ZNF565: variants seen among roughly 807,000 people sequenced by gnomAD.
The protein encoded by ZNF565 is zinc finger protein 565.
In ZNF565, 27 loss-of-function variants were observed where a neutral mutation model predicts 39.4. That is an observed-to-expected ratio of 0.69 (90% confidence interval 0.51 to 0.95). The LOEUF is 0.95. Ranked by LOEUF, ZNF565 falls within the 40% of genes least tolerant of loss-of-function variation. ZNF565 has a pLI of 0.00. For missense variants in ZNF565, 524 were observed against 621.1 expected (o/e 0.84, Z 1.66); for synonymous variants, 185 against 216.6 (o/e 0.85, Z 1.28).
intron 4 of ZNF565, among the ~76,000 whole-genome samples, chr19:36,189,040 T>C (rs1975426787): frequency 6.6e-6 from 1 of 152,096 alleles, no homozygotes; most frequent in African/African-American, 2.4e-5. Context: ...AATAGAGTTA[T>C]TGTTTAATGG....
chr19:36,236,821 C>T (rs750554314), intron 1 of ZNF565: 1 of 1,614,078 alleles, frequency 6.2e-7, no homozygotes, highest in South Asian at 1.1e-5. Context: ...GAGAGAAGCC[C>T]TTTGTATGTA....
At chr19:36,218,140 G>A (rs1976691622), upstream of ZNF565, 1 of 143,646 alleles carries the variant, frequency 7.0e-6, no homozygotes. Flanking sequence ...AGGCCAAGGA[G>A]CCAGACTTCC....
At chr19:36,244,408 C>G (rs1056698717) in intron 1 of ZNF565, among the ~76,000 whole-genome samples, 1 of 151,582 alleles carries the variant, frequency 6.6e-6, no homozygotes, top group South Asian at 2.1e-4. Context: ...ATTATCTGGG[C>G]GTGGTGGTGG....
At chr19:36,205,318 A>C (rs898845423) in intron 1 of ZNF565, among the ~76,000 whole-genome samples, 1 of 152,108 alleles carries the variant, frequency 6.6e-6, no homozygotes, top group Non-Finnish European at 1.5e-5. Context: ...ACCTGAAATC[A>C]GGAGTTTGAG....
intron 1 of ZNF565, among the ~76,000 whole-genome samples, chr19:36,213,689 ATTTTTTT>A (rs34943234): frequency 3.8e-5 from 5 of 133,288 alleles, no homozygotes; most frequent in Admixed American, 7.5e-5. Flanking sequence ...CCAGCCATTA[ATTTTTTT>A]TTTTTTTTTT....
intron 4 of ZNF565, among the ~76,000 whole-genome samples, chr19:36,189,559 T>G (rs539566350): frequency 1.1e-3 from 163 of 151,808 alleles, no homozygotes; most frequent in African/African-American, 3.7e-3. Flanking sequence ...TGATCTCAGG[T>G]GATCTGCCCA....
chr19:36,194,364 C>A (rs758661059), intron 3 of ZNF565, 36 bp from the exon 4 acceptor site: 8 of 1,531,660 alleles, frequency 5.2e-6, no homozygotes, highest in Non-Finnish European at 7.1e-6. Context: ...GTGATCAGAC[C>A]GCTCCAAAAT....
chr19:36,185,413 C>CAA (rs964502449), intron 4 of ZNF565, among the ~76,000 whole-genome samples: 7 of 57,098 alleles, frequency 1.2e-4, no homozygotes, highest in South Asian at 5.5e-4. Flanking sequence ...AACTCTGTCT[C>CAA]AAAAAAAAAA....
intron 1 of ZNF565, among the ~76,000 whole-genome samples, chr19:36,202,403 CAACA>C (rs907840724): frequency 4.8e-4 from 7 of 14,464 alleles, no homozygotes; most frequent in South Asian, 2.9e-3. Context: ...ACAACAACAA[CAACA>C]AAAAAAAACT....
intron 1 of ZNF565, chr19:36,236,945 A>T: frequency 1.9e-6 from 3 of 1,614,120 alleles, no homozygotes; most frequent in Non-Finnish European, 2.5e-6. Flanking sequence ...TGGCCAGAAG[A>T]AGTACCTCAT....
intron 1 of ZNF565, among the ~76,000 whole-genome samples, chr19:36,232,116 T>C (rs1977402853): frequency 6.7e-6 from 1 of 148,978 alleles, no homozygotes; most frequent in Non-Finnish European, 1.5e-5. Flanking sequence ...GGCAGGAGAA[T>C]CGGTTGAACC....
intron 1 of ZNF565, among the ~76,000 whole-genome samples, chr19:36,211,385 G>T (rs1976349589): frequency 6.6e-6 from 1 of 151,828 alleles, no homozygotes; most frequent in African/African-American, 2.4e-5. Flanking sequence ...AGAGGCTGCA[G>T]TGAGCTGAGA....
At chr19:36,194,619 G>T in intron 3 of ZNF565, 2 of 468,746 alleles carry the variant, frequency 4.3e-6, no homozygotes, top group Non-Finnish European at 7.8e-6. Context: ...AATGTGTGGT[G>T]ATCACTCTCC....
chr19:36,185,997 C>CT (rs376526191), intron 4 of ZNF565, among the ~76,000 whole-genome samples: 4,533 of 147,384 alleles, frequency 0.031, 221 homozygotes, highest in African/African-American at 0.11. Context: ...CCTGGCTTGT[C>CT]TTTTTTTTTT....
intron 1 of ZNF565, among the ~76,000 whole-genome samples, chr19:36,211,744 G>C (rs1291687276): frequency 3.3e-5 from 5 of 151,644 alleles, no homozygotes; most frequent in Non-Finnish European, 7.4e-5. Flanking sequence ...AGTGAGCCGA[G>C]CTCGCGCCAC....
rs1975136274 is a variant in ZNF565, at chr19:36,182,875, T to G, written c.1091A>C (p.Glu364Ala). 1.2e-6 allele frequency: 2 copies of G among 1,612,546 alleles called. No individual in the cohort carries two copies. The highest frequency in any genetic ancestry group is 8.5e-7 in the Non-Finnish European group (1 of 1,179,518). ...QRIHSGEKPY[E>A]CKECGKAFRQ... ...GAAGGCCTTCCCACATTCCTTACAC[T>G]CATAGGGTTTCTCCCCAGAATGAAT... Residue 364 changes from glutamate (E) to alanine (A), a missense_variant, in exon 5 of 5, where the codon GAG (glutamate) becomes GCG (alanine). Coordinates refer to ENST00000304116, the MANE Select transcript of ZNF565 (RefSeq NM_152477.5).
At chr19:36,239,214 A>C (rs921638455) in intron 1 of ZNF565, among the ~76,000 whole-genome samples, 1 of 152,182 alleles carries the variant, frequency 6.6e-6, no homozygotes, top group Non-Finnish European at 1.5e-5. Context: ...ATACATGCAC[A>C]GGCTTCATAT....
chr19:36,243,017 T>C (rs1200557582), intron 1 of ZNF565, among the ~76,000 whole-genome samples: 2 of 151,952 alleles, frequency 1.3e-5, no homozygotes, highest in Non-Finnish European at 2.9e-5. Flanking sequence ...AAATGTTGGG[T>C]TTTTGGTTTT....
chr19:36,197,937 CA>C (rs527649442), intron 2 of ZNF565, among the ~76,000 whole-genome samples: 191 of 152,132 alleles, frequency 1.3e-3, no homozygotes, highest in Non-Finnish European at 1.9e-3. Context: ...CACCTGAGGT[CA>C]AGAGTTCGAG....
Sources: gnomAD v4.1 joint callset for allele counts (sites outside exome capture counted in the v4.1 genomes callset) on GRCh38, gnomAD v4.1.1 for gene constraint, MANE v1.5 for transcripts, NCBI Gene and HGNC (gene_info 2026-07-23, HGNC 2026-07-21) for gene names.